CCND3: variants seen among roughly 807,000 people sequenced by gnomAD.
CCND3 encodes the protein cyclin D3.
A neutral mutation model predicts 28.7 loss-of-function variants in CCND3; 9 were observed. The ratio of observed to expected loss-of-function variants is 0.31; its 90% CI spans 0.19 to 0.55. CCND3 has a LOEUF of 0.55. CCND3 is among the 20% of genes least tolerant of loss of function. The pLI, the probability that CCND3 is intolerant of heterozygous loss-of-function variation, is 0.93. For synonymous variants in CCND3, 164 were observed against 163.9 expected (o/e 1.00, Z 0.00); for missense variants, 315 against 385.8 (o/e 0.82, Z 1.54).
At position 41,941,126 on chromosome 6, in the gene CCND3, C is replaced by T; in HGVS notation, c.198+326G>A. 6 of 1,495,838 alleles carry T rather than the reference C, an allele frequency of 4.0e-6. No individual in the cohort carries two copies. The highest frequency in any genetic ancestry group is 5.3e-6 in the Non-Finnish European group (6 of 1,127,230). The allele number at this position is 1,495,838 out of a possible 1,614,324, so 92.7% of individuals were successfully genotyped here. ...CCCAGGGTTTTCCAGGCGCGCTCTC[C>T]GGAGAAGGCCGGGAGGCGGAGGGAA... On this transcript the variant is annotated intron_variant, in intron 1 of 4. Transcript: ENST00000372991. The surrounding 1 kb of genome is among the most constrained non-coding windows in gnomAD (Gnocchi z 6.1).
chr6:41,992,468 T>G (rs1314444621), intron 1 of CCND3, among the ~76,000 whole-genome samples: 1 of 147,634 alleles, frequency 6.8e-6, no homozygotes, highest in African/African-American at 2.5e-5. Flanking sequence ...AGCCGGTTTT[T>G]TTTTTTTTTT....
intron 1 of CCND3, among the ~76,000 whole-genome samples, chr6:42,010,187 A>G (rs1364521711): frequency 6.6e-6 from 1 of 152,184 alleles, no homozygotes; most frequent in African/African-American, 2.4e-5. Flanking sequence ...TCAGTGACCT[A>G]GGTAGTACCT....
chr6:42,044,850 G>A (rs1419253657), intron 1 of CCND3, among the ~76,000 whole-genome samples: 1 of 150,960 alleles, frequency 6.6e-6, no homozygotes, highest in African/African-American at 2.4e-5. Context: ...GTGCGATGGC[G>A]TGATCTTGGC....
intron 1 of CCND3, among the ~76,000 whole-genome samples, chr6:41,975,439 T>G (rs1721706731): frequency 6.6e-6 from 1 of 151,966 alleles, no homozygotes; most frequent in Non-Finnish European, 1.5e-5. Flanking sequence ...ACATCCAGAG[T>G]GGCCCTACTC....
chr6:42,002,244 G>A (rs745743493), intron 1 of CCND3, among the ~76,000 whole-genome samples: 2 of 150,872 alleles, frequency 1.3e-5, no homozygotes, highest in African/African-American at 2.4e-5. Flanking sequence ...TCAGAAGTTC[G>A]AGACCAGCCT....
chr6:41,978,990 G>T (rs904972191), intron 1 of CCND3, among the ~76,000 whole-genome samples: 13 of 151,552 alleles, frequency 8.6e-5, no homozygotes, highest in Admixed American at 4.0e-4. Flanking sequence ...TGACCAACAT[G>T]GAGAAACCCT....
Position 42,000,234 on chromosome 6 carries a change from C to CTTTTTTTTTTTTTTTTTTTTTTTTTTTT in CCND3, c.-46+48266_-46+48267insAAAAAAAAAAAAAAAAAAAAAAAAAAAA, listed in dbSNP as rs70987562. Among the ~76,000 whole-genome samples, 14 of 51,032 alleles carry CTTTTTTTTTTTTTTTTTTTTTTTTTTTT rather than the reference C, an allele frequency of 2.7e-4. 5 individuals carry two copies. The highest frequency in any genetic ancestry group is 1.0e-3 in the African/African-American group (11 of 10,840). 33.5% of individuals were successfully genotyped at this position (51,032 alleles called of 152,430 possible). A position where few individuals can be genotyped will look rare whatever the true frequency, so the allele number is the denominator to read the frequency against. ...AGTCTCGTGGAAATTTGAAAACATA[C>CTTTTTTTTTTTTTTTTTTTTTTTTTTTT]TTTTTTTTTTTTTTTTTTTTTTTTT... On this transcript the variant is annotated intron_variant, in intron 1 of 4. Coordinates refer to the CCND3 transcript ENST00000372988.
chr6:42,000,862 G>A (rs1374629577), intron 1 of CCND3, among the ~76,000 whole-genome samples: 1 of 151,798 alleles, frequency 6.6e-6, no homozygotes, highest in Non-Finnish European at 1.5e-5. Flanking sequence ...ACCACGCCTG[G>A]CCATGAAACA....
chr6:41,987,509 C>CTG (rs1762520368), intron 1 of CCND3, among the ~76,000 whole-genome samples: 1 of 68,586 alleles, frequency 1.5e-5, no homozygotes, highest in Admixed American at 1.7e-4. Flanking sequence ...CTCTCTCTCT[C>CTG]TCTCTCTCTG....
At chr6:41,967,659 T>G (rs1761925025) in intron 1 of CCND3, among the ~76,000 whole-genome samples, 2 of 152,168 alleles carry the variant, frequency 1.3e-5, no homozygotes, top group Non-Finnish European at 2.9e-5. Context: ...ACACCTTGAG[T>G]AGTGAAGATC....
chr6:42,044,946 G>A (rs12204471), intron 1 of CCND3, among the ~76,000 whole-genome samples: 22,655 of 141,868 alleles, frequency 0.16, 1,867 homozygotes, highest in South Asian at 0.2. Context: ...GTGCGACCAC[G>A]CCCGGCTAAC....
chr6:42,028,800 G>A (rs946775116), intron 1 of CCND3, among the ~76,000 whole-genome samples: 4 of 152,182 alleles, frequency 2.6e-5, no homozygotes, highest in Admixed American at 1.3e-4. Context: ...GATTATGCGT[G>A]GTAAGCACCC....
In CCND3 at chr6:42,000,564, C is replaced by CTT. The variant is rs774090777; in HGVS notation, c.-46+47935_-46+47936dup. Among the ~76,000 whole-genome samples the CTT allele has an allele frequency of 8.3e-3, 711 of 85,504 alleles. 58 individuals are homozygous for CTT. The highest frequency in any genetic ancestry group is 0.033 in the African/African-American group (661 of 20,210). 56.1% of individuals were successfully genotyped at this position (85,504 alleles called of 152,430 possible). A position where few individuals can be genotyped will look rare whatever the true frequency, so the allele number is the denominator to read the frequency against. ...TTTCTAATAACTGGGTGAAACGAAT[C>CTT]TTTTTTTTTTTTTTTTTTCTGAGAC... is the stretch of plus-strand genomic sequence containing the variant. On this transcript the variant is annotated intron_variant, in intron 1 of 4. Coordinates refer to the CCND3 transcript ENST00000372988.
At chr6:42,037,769 G>A (rs1312589537) in intron 1 of CCND3, among the ~76,000 whole-genome samples, 2 of 151,672 alleles carry the variant, frequency 1.3e-5, no homozygotes, top group Non-Finnish European at 2.9e-5. Flanking sequence ...ATAGTGGCAT[G>A]CGCCTGTAAT....
chr6:42,001,052 A>G (rs1216435800), intron 1 of CCND3, among the ~76,000 whole-genome samples: 2 of 151,604 alleles, frequency 1.3e-5, no homozygotes, highest in Non-Finnish European at 2.9e-5. Flanking sequence ...CCTGGCCAAC[A>G]TGGTGAAACC....
At chr6:42,040,868 C>CAA (rs142222742) in intron 1 of CCND3, among the ~76,000 whole-genome samples, 31 of 122,512 alleles carry the variant, frequency 2.5e-4, no homozygotes, top group Non-Finnish European at 4.3e-4. Flanking sequence ...AACAAACAAA[C>CAA]AAAAAAAAAA....
Position 41,970,925 on chromosome 6 carries a change from T to C in CCND3, c.-45-30340A>G, listed in dbSNP as rs571239494. ...AAACTTGCTCCAGTTTCTTTTTTTT[T>C]TCCCCCCCTTGAGACAGAGTCTTGC... On this transcript the variant is annotated intron_variant, in intron 1 of 4. Coordinates refer to the CCND3 transcript ENST00000372988. Among the ~76,000 whole-genome samples, 1,430 of 151,942 alleles carry C rather than the reference T, an allele frequency of 9.4e-3. 11 individuals are homozygous for C. The highest frequency in any genetic ancestry group is 0.015 in the Non-Finnish European group (1,041 of 67,942).
At chr6:41,983,425 A>G (rs1055851104) in intron 1 of CCND3, among the ~76,000 whole-genome samples, 1 of 151,930 alleles carries the variant, frequency 6.6e-6, no homozygotes, top group East Asian at 1.9e-4. Flanking sequence ...AATTATTACT[A>G]CTATCATGCT....
At chr6:41,950,693 G>T (rs1182534804) in intron 1 of CCND3, among the ~76,000 whole-genome samples, 1 of 151,336 alleles carries the variant, frequency 6.6e-6, no homozygotes, top group Non-Finnish European at 1.5e-5. Flanking sequence ...TCAGAGATGA[G>T]AAGACTCCCT....
Sources: gnomAD v4.1 joint callset for allele counts (sites outside exome capture counted in the v4.1 genomes callset) on GRCh38, gnomAD v4.1.1 for gene constraint, Gnocchi (gnomAD v3.1) non-coding constraint, MANE v1.5 for transcripts, NCBI Gene and HGNC (gene_info 2026-07-23, HGNC 2026-07-21) for gene names.